The following HSD3B1 variants were observed in gnomAD, a reference collection of about 807,000 sequenced individuals.
HSD3B1 encodes the protein hydroxy-delta-5-steroid dehydrogenase, 3 beta- and steroid delta-isomerase 1.
Under a neutral mutation model 10.4 loss-of-function variants are expected in HSD3B1, and 11 were observed. The observed-to-expected ratio is 1.05, with a 90% confidence interval of 0.66 to 1.75. The LOEUF is 1.75. Ranked by LOEUF, HSD3B1 falls within the 40% of genes most tolerant of loss-of-function variation. The pLI is 0.00. For missense variants in HSD3B1, 490 were observed against 454.5 expected (o/e 1.08, Z -0.71); for synonymous variants, 217 against 185.4 (o/e 1.17, Z -1.39).
At chr1:119,509,603 CTCAGGCTG>C (rs1447586638) in intron 2 of HSD3B1, among the ~76,000 whole-genome samples, 1 of 152,202 alleles carries the variant, frequency 6.6e-6, no homozygotes, top group African/African-American at 2.4e-5. Context: ...ACATCCCACT[CTCAGGCTG>C]TTACCCACAT....
chr1:119,512,920 T>C (rs587693479), intron 3 of HSD3B1, among the ~76,000 whole-genome samples: 5 of 152,258 alleles, frequency 3.3e-5, no homozygotes, highest in African/African-American at 1.2e-4. Context: ...TACAAAAATT[T>C]GTAAATAAAA....
Position 119,511,670 on chromosome 1 carries a change from A to T in HSD3B1, c.310+3A>T. On this transcript the variant is annotated splice_donor_region_variant and intron_variant, in intron 3 of 3. Coordinates refer to ENST00000369413, the MANE Select transcript of HSD3B1 (RefSeq NM_000862.3). ...TATCATGAATGTCAATGTGAAAGGT[A>T]TGGTAGGCTGGGGAGGAGATGCAGC... The T allele has an allele frequency of 6.2e-7, 1 of 1,613,344 alleles. No homozygotes were observed. Among genetic ancestry groups the T allele is most frequent in the South Asian group, 1.1e-5 (1 of 91,052 alleles).
In HSD3B1 at chr1:119,514,956, C is replaced by G. The variant is rs1654067134; in HGVS notation, c.*311C>G. The G allele has an allele frequency of 8.3e-6, 3 of 363,276 alleles. No individual in the cohort carries two copies. Among genetic ancestry groups the G allele is most frequent in the South Asian group, 8.7e-5 (2 of 23,108 alleles). 22.5% of individuals were successfully genotyped at this position (363,276 alleles called of 1,614,324 possible). A position where few individuals can be genotyped will look rare whatever the true frequency, so the allele number is the denominator to read the frequency against. ...GAGGGTCGTTTTGACTACTAGAGCT[C>G]CATTTCTACTCTTAAATGAGAAAGG... On this transcript the variant is annotated 3_prime_UTR_variant, in exon 4 of 4. Transcript: ENST00000369413.
intron 2 of HSD3B1, among the ~76,000 whole-genome samples, chr1:119,510,359 GC>G (rs1653897699): frequency 6.6e-6 from 1 of 152,136 alleles, no homozygotes; most frequent in Non-Finnish European, 1.5e-5. Flanking sequence ...CATCATTGAA[GC>G]CCACCCACAA....
intron 3 of HSD3B1, among the ~76,000 whole-genome samples, chr1:119,513,515 T>A (rs1328454930): frequency 6.6e-6 from 1 of 152,114 alleles, no homozygotes; most frequent in African/African-American, 2.4e-5. Context: ...AATTTGTCAA[T>A]ACCCTTACTT....
At position 119,514,419 on chromosome 1, in the gene HSD3B1, A is replaced by G; in HGVS notation, c.896A>G (p.Glu299Gly). The G allele has an allele frequency of 1.9e-6, 3 of 1,614,114 alleles. No homozygotes were observed. The highest frequency in any genetic ancestry group is 2.5e-6 in the Non-Finnish European group (3 of 1,179,996). Residue 299 changes from glutamate to glycine, a missense_variant, in exon 4 of 4, where the codon GAA (glutamate) becomes GGA (glycine). Glu to Gly is a moderately conservative substitution (Grantham distance 98, BLOSUM62 -2). Coordinates refer to ENST00000369413, the MANE Select transcript of HSD3B1 (RefSeq NM_000862.3). ...ATGTATTGGATTGGCTTCCTGCTGGAAATAGTGAGCTTCCTACTCAGGCCA... is the reference window on the plus strand; with the variant it reads ...ATGTATTGGATTGGCTTCCTGCTGGGAATAGTGAGCTTCCTACTCAGGCCA... Reference protein sequence around the residue: ...SLMYWIGFLLEIVSFLLRPIY... With the variant: ...SLMYWIGFLLGIVSFLLRPIY...
At position 119,514,455 on chromosome 1, in the gene HSD3B1, A is replaced by G. The variant is rs1337621303; in HGVS notation, c.932A>G (p.Tyr311Cys). 1 of 1,614,030 alleles carries G rather than the reference A, an allele frequency of 6.2e-7. No individual in the cohort carries two copies. Among genetic ancestry groups the G allele is most frequent in the Non-Finnish European group, 8.5e-7 (1 of 1,179,982 alleles). Reference sequence around the variant, plus strand: ...TTCCTACTCAGGCCAATTTACACCTATCGACCGCCCTTCAACCGCCACATA... The same window carrying G: ...TTCCTACTCAGGCCAATTTACACCTGTCGACCGCCCTTCAACCGCCACATA... ...VSFLLRPIYT[Y>C]RPPFNRHIVT... The change falls in exon 4 of 4, where the codon TAT becomes TGT. Residue 311 changes from tyrosine to cysteine, a missense_variant. Tyr to Cys is a radical substitution (Grantham distance 194). Transcript: ENST00000369413.
chr1:119,508,946 A>G (rs1174525633), intron 2 of HSD3B1, among the ~76,000 whole-genome samples: 1 of 152,252 alleles, frequency 6.6e-6, no homozygotes, highest in Admixed American at 6.5e-5. Flanking sequence ...GCAATTTAAC[A>G]TCTGAAGCCA....
chr1:119,507,495 C>A lies in HSD3B1; in HGVS notation c.19C>A (p.Leu7Ile). 1 of 1,613,954 alleles carries A rather than the reference C, an allele frequency of 6.2e-7. No individual in the cohort carries two copies. Among genetic ancestry groups the A allele is most frequent in the Non-Finnish European group, 8.5e-7 (1 of 1,179,958 alleles). Residue 7 changes from leucine (L) to isoleucine (I), a missense_variant, in exon 2 of 4, where the codon CTT (leucine) becomes ATT (isoleucine). By Grantham distance (5) the Leu-to-Ile change is conservative. Transcript: ENST00000369413. MTGWSC[L>I]VTGAGGFLGQ... ...GATGGCCATGACGGGCTGGAGCTGC[C>A]TTGTGACAGGAGCAGGAGGGTTTCT... is the stretch of plus-strand genomic sequence containing the variant.
intron 3 of HSD3B1, among the ~76,000 whole-genome samples, chr1:119,513,067 T>C (rs587615178): frequency 1.1e-4 from 16 of 152,218 alleles, no homozygotes; most frequent in African/African-American, 1.4e-4. Flanking sequence ...AGGACACACT[T>C]CTCTCCCCAG....
At chr1:119,511,880 G>T in intron 3 of HSD3B1, 2 of 551,782 alleles carry the variant, frequency 3.6e-6, no homozygotes, top group Non-Finnish European at 6.5e-6. Context: ...ACTTGTCCAA[G>T]GTCCCCCAGG....
intron 2 of HSD3B1, among the ~76,000 whole-genome samples, chr1:119,510,176 C>A (rs1653893279): frequency 1.3e-5 from 2 of 152,346 alleles, no homozygotes; most frequent in South Asian, 4.1e-4. Flanking sequence ...TTCCAGGTGA[C>A]AACCTTACTG....
Position 119,507,380 on chromosome 1 carries a change from A to T in HSD3B1, c.-85-12A>T. 7.8e-7 allele frequency: 1 copy of T among 1,277,110 alleles called. No homozygotes were observed. The highest frequency in any genetic ancestry group is 1.2e-5 in the South Asian group (1 of 81,306). The allele number at this position is 1,277,110 out of a possible 1,614,324, so 79.1% of individuals were successfully genotyped here. A position where few individuals can be genotyped will look rare whatever the true frequency, so the allele number is the denominator to read the frequency against. On this transcript the variant is annotated splice_polypyrimidine_tract_variant and intron_variant, in intron 1 of 3. Coordinates refer to ENST00000369413, the MANE Select transcript of HSD3B1 (RefSeq NM_000862.3). ...CTGTGTGAGTATATAACCATTTGAC[A>T]TCTCTTTTTAGCCCTCTCCAGGGTC...
At chr1:119,513,276 T>G (rs1433595392) in intron 3 of HSD3B1, among the ~76,000 whole-genome samples, 1 of 152,152 alleles carries the variant, frequency 6.6e-6, no homozygotes, top group Non-Finnish European at 1.5e-5. Flanking sequence ...GGATGGTCCT[T>G]GTGACAAAGT....
At position 119,507,408 on chromosome 1, in the gene HSD3B1, C is replaced by A. The variant is rs367575472; in HGVS notation, c.-69C>A. 5.8e-6 allele frequency: 9 copies of A among 1,549,486 alleles called. No homozygotes were observed. Among genetic ancestry groups the A allele is most frequent in the Non-Finnish European group, 7.1e-6 (8 of 1,123,660 alleles). The stretch of plus-strand genomic sequence containing the variant: ...TCTTTTTAGCCCTCTCCAGGGTCAC[C>A]CTAGAATCAGATCTGCTCCCCAGCA... On this transcript the variant is annotated 5_prime_UTR_variant, in exon 2 of 4. Transcript: ENST00000369413.
rs987489431 is a variant in HSD3B1, at chr1:119,511,419, A to G, written c.146-84A>G. On this transcript the variant is annotated intron_variant, in intron 2 of 3. Transcript: ENST00000369413. ...AACACCCTACTCTAACCATCCTTGA[A>G]CACCTATGTAACATCACCTTTATCA... The G allele has an allele frequency of 6.6e-6, 9 of 1,370,442 alleles. No homozygotes were observed. The African/African-American group carries it at 1.1e-4, about 17-fold the overall frequency. 84.9% of individuals were successfully genotyped at this position (1,370,442 alleles called of 1,614,324 possible). A position where few individuals can be genotyped will look rare whatever the true frequency, so the allele number is the denominator to read the frequency against.
At chr1:119,509,593 A>T (rs1653880686) in intron 2 of HSD3B1, among the ~76,000 whole-genome samples, 1 of 152,164 alleles carries the variant, frequency 6.6e-6, no homozygotes, top group African/African-American at 2.4e-5. Context: ...GAACCAGAGA[A>T]CATCCCACTC....
At position 119,514,484 on chromosome 1, in the gene HSD3B1, A is replaced by G. The variant is rs1654051287; in HGVS notation, c.961A>G (p.Thr321Ala). The part of the protein sequence containing the change: ...YRPPFNRHIV[T>A]LSNSVFTFSY... ...ACCGCCCTTCAACCGCCACATAGTC[A>G]CATTGTCAAATAGCGTATTCACCTT... The change falls in exon 4 of 4, where the codon ACA becomes GCA. Residue 321 changes from threonine (T) to alanine (A), a missense_variant. Coordinates refer to ENST00000369413, the MANE Select transcript of HSD3B1 (RefSeq NM_000862.3). 1.2e-6 allele frequency: 2 copies of G among 1,614,026 alleles called. No individual in the cohort carries two copies. The highest frequency in any genetic ancestry group is 1.1e-5 in the South Asian group (1 of 91,068).
At position 119,514,342 on chromosome 1, in the gene HSD3B1, CAA is replaced by C; in HGVS notation, c.821_822del (p.Lys274ArgfsTer7). ...SYDNLNYTLS[K>X]EFGLRLDSRW... The stretch of plus-strand genomic sequence containing the variant: ...ATGATAACCTTAATTACACCCTGAG[CAA>C]AGAGTTCGGCCTCCGCCTTGATTCC... On this transcript the variant is annotated frameshift_variant, in exon 4 of 4. Transcript: ENST00000369413. LOFTEE classifies it low-confidence loss of function (END_TRUNC). The C allele has an allele frequency of 6.2e-7, 1 of 1,614,132 alleles. No homozygotes were observed. The highest frequency in any genetic ancestry group is 8.5e-7 in the Non-Finnish European group (1 of 1,180,010).
Sources: allele counts gnomAD v4.1 joint callset (sites outside exome capture counted in the v4.1 genomes callset), GRCh38; gene constraint gnomAD v4.1.1; transcripts MANE v1.5; gene names NCBI Gene and HGNC (gene_info 2026-07-23, HGNC 2026-07-21).